PLCH1: variants seen among roughly 807,000 people sequenced by gnomAD.
PLCH1 encodes 1-phosphatidylinositol 4,5-bisphosphate phosphodiesterase eta-1.
In PLCH1, 60 loss-of-function variants were observed where a neutral mutation model predicts 126.7. The ratio of observed to expected loss-of-function variants is 0.47; its 90% CI spans 0.38 to 0.59. PLCH1 has a LOEUF of 0.59. PLCH1 is among the 20% of genes least tolerant of loss of function. The pLI is 0.00. For synonymous variants in PLCH1, 719 were observed against 734.9 expected, an observed-to-expected ratio of 0.98 and a Z score of 0.35; for missense variants, 1,723 against 2,040.0, an observed-to-expected ratio of 0.84 and a Z score of 2.99.
intron 2 of PLCH1, among the ~76,000 whole-genome samples, chr3:155,666,148 T>C (rs1247769208): frequency 6.6e-6 from 1 of 152,226 alleles, no homozygotes; most frequent in Non-Finnish European, 1.5e-5. Flanking sequence ...TTCGTGCAAA[T>C]GTACAAGCAA....
chr3:155,512,126 C>T (rs143331904), intron 12 of PLCH1, among the ~76,000 whole-genome samples: 13,275 of 150,810 alleles, frequency 0.088, 641 homozygotes, highest in African/African-American at 0.11. Context: ...CAGGTGCGTC[C>T]GTCACCCCTT....
At chr3:155,498,441 C>T (rs1253089108) in intron 14 of PLCH1, among the ~76,000 whole-genome samples, 1 of 152,208 alleles carries the variant, frequency 6.6e-6, no homozygotes, top group Non-Finnish European at 1.5e-5. Context: ...ATTCACTGCT[C>T]TGCCAGGAAT....
intron 13 of PLCH1, among the ~76,000 whole-genome samples, chr3:155,502,464 CT>C (rs1173998208): frequency 6.6e-6 from 1 of 152,108 alleles, no homozygotes; most frequent in Non-Finnish European, 1.5e-5. Flanking sequence ...AAAACATCTA[CT>C]TTGAAAGACT....
chr3:155,494,129 A>G lies in PLCH1; in HGVS notation c.2182+12T>C. 2 of 1,597,114 alleles carry G rather than the reference A, an allele frequency of 1.3e-6. No individual in the cohort carries two copies. The highest frequency in any genetic ancestry group is 1.7e-6 in the Non-Finnish European group (2 of 1,164,704). On this transcript the variant is annotated intron_variant, in intron 17 of 22. Coordinates refer to ENST00000460012, the MANE Select transcript of PLCH1 (RefSeq NM_014996.4). The stretch of plus-strand genomic sequence containing the variant: ...ACACACCTGCATTTATGACTATGAA[A>G]TTAATACACACCTTTGCACATTTGC...
In PLCH1 at chr3:155,615,415, C is replaced by T. The variant is rs545134347; in HGVS notation, c.80-19037G>A. Among the ~76,000 whole-genome samples, 11 of 152,260 alleles carry T rather than the reference C, an allele frequency of 7.2e-5. No individual in the cohort carries two copies. In the South Asian group the frequency reaches 2.3e-3, roughly 32 times the overall value. On this transcript the variant is annotated intron_variant, in intron 2 of 22. Transcript: ENST00000460012. ...ACAAAAAGTAGATCTACCAGTTGAT[C>T]CAGCAATCCCACTACTGGATGTCTA...
intron 2 of PLCH1, among the ~76,000 whole-genome samples, chr3:155,689,336 C>T (rs7639915): frequency 0.048 from 7,338 of 152,136 alleles, 205 homozygotes; most frequent in Middle Eastern, 0.095. Context: ...ACCGTGAAGA[C>T]TACAATAAAC....
intron 7 of PLCH1, 50 bp from the exon 8 acceptor site, chr3:155,565,168 T>C (rs763868498): frequency 7.7e-7 from 1 of 1,296,384 alleles, no homozygotes; most frequent in Non-Finnish European, 1.1e-6. Flanking sequence ...CATATATACT[T>C]AATGGCTCTA....
At chr3:155,743,277 A>G (rs1559978186) in intron 1 of PLCH1, 1 of 452,516 alleles carries the variant, frequency 2.2e-6, no homozygotes, top group East Asian at 7.0e-5. Flanking sequence ...CACGCCTGTG[A>G]TCCCCACACT....
chr3:155,626,076 G>A (rs1027496124), intron 2 of PLCH1, among the ~76,000 whole-genome samples: 5 of 152,172 alleles, frequency 3.3e-5, no homozygotes, highest in Non-Finnish European at 5.9e-5. Flanking sequence ...GTTGTTTGCA[G>A]GGACATGGAT....
chr3:155,552,387 A>G (rs116442762), intron 9 of PLCH1, among the ~76,000 whole-genome samples: 85 of 152,344 alleles, frequency 5.6e-4, no homozygotes, highest in African/African-American at 1.9e-3. Flanking sequence ...ATATGATATG[A>G]CAGAAATATG....
At chr3:155,733,913 T>C (rs953279221) in intron 1 of PLCH1, among the ~76,000 whole-genome samples, 1 of 123,094 alleles carries the variant, frequency 8.1e-6, no homozygotes, top group Non-Finnish European at 1.7e-5. Context: ...AAAGACAACA[T>C]ACAAATGGCC....
At chr3:155,673,020 C>T (rs1743688625) in intron 2 of PLCH1, among the ~76,000 whole-genome samples, 1 of 139,504 alleles carries the variant, frequency 7.2e-6, no homozygotes, top group Non-Finnish European at 1.6e-5. Flanking sequence ...TCTGATTATT[C>T]TCTCCCCAGC....
intron 13 of PLCH1, among the ~76,000 whole-genome samples, chr3:155,502,651 T>C (rs1292130243): frequency 6.6e-6 from 1 of 152,218 alleles, no homozygotes; most frequent in Non-Finnish European, 1.5e-5. Context: ...CAGAGAATGA[T>C]ATATTTTCTG....
intron 2 of PLCH1, among the ~76,000 whole-genome samples, chr3:155,641,242 C>G (rs1472509170): frequency 6.6e-6 from 1 of 150,488 alleles, no homozygotes; most frequent in East Asian, 1.9e-4. Context: ...CACTGTTTCA[C>G]TGGCCCTAGT....
chr3:155,547,111 A>C (rs9882234), intron 10 of PLCH1, among the ~76,000 whole-genome samples: 25,304 of 144,990 alleles, frequency 0.17, 2,407 homozygotes, highest in African/African-American at 0.29. Flanking sequence ...CAACCTACAA[A>C]ATGGGAGAAA....
At chr3:155,580,732 A>G (rs920750277) in intron 6 of PLCH1, among the ~76,000 whole-genome samples, 2 of 152,160 alleles carry the variant, frequency 1.3e-5, no homozygotes, top group African/African-American at 2.4e-5. Context: ...TAAAGAAGTA[A>G]CATTTCCAGA....
intron 2 of PLCH1, among the ~76,000 whole-genome samples, chr3:155,672,753 C>T (rs902002708): frequency 2.6e-5 from 4 of 152,176 alleles, no homozygotes; most frequent in Non-Finnish European, 4.4e-5. Flanking sequence ...AAGGCAGTGA[C>T]TGAATAACAA....
At chr3:155,589,897 CATT>C (rs746869608) in intron 4 of PLCH1, among the ~76,000 whole-genome samples, 1 of 152,178 alleles carries the variant, frequency 6.6e-6, no homozygotes, top group East Asian at 1.9e-4. Flanking sequence ...CAGACACTGT[CATT>C]ATCATCATCA....
At chr3:155,726,707 T>C (rs1486648380) in intron 1 of PLCH1, among the ~76,000 whole-genome samples, 1 of 151,258 alleles carries the variant, frequency 6.6e-6, no homozygotes, top group Non-Finnish European at 1.5e-5. Flanking sequence ...CTTTTTTTTT[T>C]TTTTTGAGAC....
Sources: gnomAD v4.1 joint callset for allele counts (sites outside exome capture counted in the v4.1 genomes callset) on GRCh38, gnomAD v4.1.1 for gene constraint, MANE v1.5 for transcripts, NCBI Gene and HGNC (gene_info 2026-07-23, HGNC 2026-07-21) for gene names.